The following LRRC7 variants were observed in gnomAD, a reference collection of about 807,000 sequenced individuals.
LRRC7 encodes leucine-rich repeat-containing protein 7.
A neutral mutation model predicts 175.7 loss-of-function variants in LRRC7; 23 were observed. The ratio of observed to expected loss-of-function variants is 0.13; its 90% CI spans 0.09 to 0.19. LRRC7 has a LOEUF of 0.19. LRRC7 is among the 10% of genes least tolerant of loss of function. LRRC7 has a pLI of 1.00. For missense variants in LRRC7, 1,354 were observed against 1,904.7 expected, an observed-to-expected ratio of 0.71 and a Z score of 5.38; for synonymous variants, 685 against 680.9, an observed-to-expected ratio of 1.01 and a Z score of -0.09.
intron 11 of LRRC7, among the ~76,000 whole-genome samples, chr1:70,001,844 T>C (rs1655565288): frequency 1.3e-5 from 2 of 152,116 alleles, no homozygotes; most frequent in African/African-American, 4.8e-5. Context: ...CCAGACCTCA[T>C]GTTTGGTGCT....
At chr1:69,874,058 T>C (rs762240901) in intron 7 of LRRC7, 5 of 152,270 alleles carry the variant, frequency 3.3e-5, no homozygotes, top group African/African-American at 1.2e-4. Flanking sequence ...TGTGGACTTA[T>C]TTTGCAAAGT....
intron 2 of LRRC7, among the ~76,000 whole-genome samples, chr1:69,702,462 G>A (rs112720601): frequency 6.6e-6 from 1 of 152,128 alleles, no homozygotes; most frequent in Non-Finnish European, 1.5e-5. Flanking sequence ...AATCGTTCCT[G>A]CATCATTGAC....
At chr1:70,064,017 A>T (rs1291016955) in intron 23 of LRRC7, among the ~76,000 whole-genome samples, 3 of 152,040 alleles carry the variant, frequency 2.0e-5, no homozygotes, top group Admixed American at 6.6e-5. Flanking sequence ...GTCATTGGAG[A>T]CACTGAAGTA....
chr1:69,634,382 G>C (rs534356909), intron 1 of LRRC7, among the ~76,000 whole-genome samples: 1 of 151,958 alleles, frequency 6.6e-6, no homozygotes, highest in Non-Finnish European at 1.5e-5. Context: ...ATATTCATGC[G>C]GTCTGCAAGA....
rs1033440652 is a variant in LRRC7, at chr1:69,795,183, C to A, written c.421+3023C>A. ...GATCGTGAGGTCGGGAGTTTGAGAC[C>A]AGCCAGGCCAACATGGTGAAACCCC... On this transcript the variant is annotated intron_variant, in intron 4 of 26. Transcript: ENST00000651989. Among the ~76,000 whole-genome samples, 5 of 152,200 alleles carry A rather than the reference C, an allele frequency of 3.3e-5. No individual in the cohort carries two copies. In the East Asian group the frequency reaches 9.7e-4, roughly 29 times the overall value.
chr1:69,651,131 A>G (rs1243542889), intron 1 of LRRC7, among the ~76,000 whole-genome samples: 1 of 152,238 alleles, frequency 6.6e-6, no homozygotes, highest in Non-Finnish European at 1.5e-5. Context: ...TAGTTTTGGC[A>G]TGAACTTAGA....
At chr1:70,069,619 C>T (rs569509398) in intron 23 of LRRC7, among the ~76,000 whole-genome samples, 1 of 152,134 alleles carries the variant, frequency 6.6e-6, no homozygotes, top group Non-Finnish European at 1.5e-5. Flanking sequence ...TGAATTCTTG[C>T]TTCTTGAATC....
rs1221010544 is a variant in LRRC7 at position 69,568,082 on chromosome 1, T to C, written c.-558T>C. Among the ~76,000 whole-genome samples, 8 of 152,074 alleles carry C rather than the reference T, an allele frequency of 5.3e-5. No homozygotes were observed. Among genetic ancestry groups the C allele is most frequent in the African/African-American group, 1.4e-4 (6 of 41,426 alleles). ...GGGCCACCGCCACCGCCTCCTGCAG[T>C]TGCGGAGCGCTCAGCCCCTCCGAGA... On this transcript the variant is annotated 5_prime_UTR_variant, in exon 1 of 27. Transcript: ENST00000651989.
intron 1 of LRRC7, among the ~76,000 whole-genome samples, chr1:69,639,336 T>C (rs868099184): frequency 6.6e-5 from 10 of 151,794 alleles, no homozygotes; most frequent in South Asian, 2.1e-4. Flanking sequence ...ATAATGAAAC[T>C]TTTAGTATAT....
chr1:69,923,245 C>A (rs1171943811), intron 7 of LRRC7, among the ~76,000 whole-genome samples: 1 of 152,108 alleles, frequency 6.6e-6, no homozygotes, highest in Non-Finnish European at 1.5e-5. Context: ...GGTTCCAAGT[C>A]TTTGCTATTG....
chr1:69,904,662 T>G (rs1646240459), intron 7 of LRRC7, among the ~76,000 whole-genome samples: 1 of 152,340 alleles, frequency 6.6e-6, no homozygotes, highest in South Asian at 2.1e-4. Flanking sequence ...ATCTTTTTGT[T>G]TTTTTACATT....
rs771821630 is a variant in LRRC7 at position 70,141,233 on chromosome 1, A to G, written c.*19346A>G. 4 of 152,178 alleles carry G rather than the reference A, an allele frequency of 2.6e-5. No homozygotes were observed. Among genetic ancestry groups the G allele is most frequent in the African/African-American group, 9.7e-5 (4 of 41,444 alleles). The allele number at this position is 152,178 out of a possible 1,614,324, so 9.4% of individuals were successfully genotyped here. A position where few individuals can be genotyped will look rare whatever the true frequency, so the allele number is the denominator to read the frequency against. ...TTCAGGGTTCAGGTACGAAAAGGGTATGAAGCCTACTGAAAAATAAGGAAA... is the reference window on the plus strand; with the variant it reads ...TTCAGGGTTCAGGTACGAAAAGGGTGTGAAGCCTACTGAAAAATAAGGAAA... On this transcript the variant is annotated 3_prime_UTR_variant, in exon 27 of 27. Coordinates refer to ENST00000651989, the MANE Select transcript of LRRC7 (RefSeq NM_001370785.2).
At chr1:69,640,569 T>C (rs1441212543) in intron 1 of LRRC7, among the ~76,000 whole-genome samples, 1 of 150,944 alleles carries the variant, frequency 6.6e-6, no homozygotes. Flanking sequence ...TAATTTATTA[T>C]GTTAATATAA....
chr1:69,778,845 A>G (rs77680742), intron 3 of LRRC7, among the ~76,000 whole-genome samples: 3,452 of 151,828 alleles, frequency 0.023, 157 homozygotes, highest in African/African-American at 0.079. Flanking sequence ...ATGACTGATC[A>G]GGGCATAGAA....
intron 4 of LRRC7, among the ~76,000 whole-genome samples, chr1:69,797,544 C>T (rs1675934252): frequency 6.6e-6 from 1 of 152,158 alleles, no homozygotes; most frequent in South Asian, 2.1e-4. Context: ...CTTCCATATC[C>T]ATTTAGTCTT....
At chr1:69,944,816 A>G (rs1214650795) in intron 8 of LRRC7, among the ~76,000 whole-genome samples, 2 of 151,742 alleles carry the variant, frequency 1.3e-5, no homozygotes, top group Non-Finnish European at 2.9e-5. Flanking sequence ...GTCTTTTTTT[A>G]AGAAATGACT....
intron 8 of LRRC7, among the ~76,000 whole-genome samples, chr1:69,976,583 A>G (rs550735656): frequency 6.6e-6 from 1 of 152,332 alleles, no homozygotes; most frequent in African/African-American, 2.4e-5. Context: ...CAAGGTTACT[A>G]GTGACCTACT....
intron 2 of LRRC7, among the ~76,000 whole-genome samples, chr1:69,688,988 A>C (rs1661521790): frequency 6.6e-6 from 1 of 152,194 alleles, no homozygotes; most frequent in Admixed American, 6.5e-5. Flanking sequence ...AGGATAGAGG[A>C]GGTGGTACTT....
rs1047062762 is a variant in LRRC7, at chr1:69,649,193, T to G, written c.3-29188T>G. On this transcript the variant is annotated intron_variant, in intron 1 of 26. Transcript: ENST00000651989. ...CCAGTTACATGACGTACAAGTTACT[T>G]TACTTTTTGTTGCCTCAGTTTATTC... is the stretch of plus-strand genomic sequence containing the variant. 3.9e-5 allele frequency among the ~76,000 whole-genome samples: 6 copies of G among 152,250 alleles called. No individual in the cohort carries two copies. In the East Asian group the frequency reaches 1.2e-3, roughly 29 times the overall value.
Sources: allele counts gnomAD v4.1 joint callset (sites outside exome capture counted in the v4.1 genomes callset), GRCh38; gene constraint gnomAD v4.1.1; transcripts MANE v1.5; gene names NCBI Gene and HGNC (gene_info 2026-07-23, HGNC 2026-07-21).